CPE: variants seen among roughly 807,000 people sequenced by gnomAD.
The protein encoded by CPE is carboxypeptidase E, also known as carbocypeptidase E.
Under a neutral mutation model 53.5 loss-of-function variants are expected in CPE, and 17 were observed. The ratio of observed to expected loss-of-function variants is 0.32; its 90% CI spans 0.22 to 0.48. The LOEUF (loss-of-function observed/expected upper bound fraction) is 0.48. Among genes scored for constraint, CPE ranks in the 20% least tolerant of loss-of-function variants. The pLI is 0.99. For missense variants in CPE, 524 were observed against 614.7 expected (o/e 0.85, Z 1.56); for synonymous variants, 226 against 228.8 (o/e 0.99, Z 0.11).
chr4:165,493,031 T>C, intron 6 of CPE, 140 bp from the exon 7 acceptor site: 1 of 553,070 alleles, frequency 1.8e-6, no homozygotes, highest in Non-Finnish European at 3.2e-6. Flanking sequence ...TGGCCTTTTG[T>C]GCATGTCTTG....
chr4:165,390,826 C>G (rs1489761989), intron 1 of CPE, among the ~76,000 whole-genome samples: 1 of 152,122 alleles, frequency 6.6e-6, no homozygotes, highest in Admixed American at 6.6e-5. Flanking sequence ...TCATTTTACT[C>G]ATGTGTCTAA....
At chr4:165,480,242 T>C (rs1204705971) in intron 3 of CPE, among the ~76,000 whole-genome samples, 2 of 152,186 alleles carry the variant, frequency 1.3e-5, no homozygotes, top group African/African-American at 4.8e-5. Flanking sequence ...GCTGGTTATA[T>C]TTCTGTACCT....
At chr4:165,403,670 T>A (rs780739864) in intron 1 of CPE, among the ~76,000 whole-genome samples, 7 of 120,278 alleles carry the variant, frequency 5.8e-5, no homozygotes, top group African/African-American at 1.1e-4. Context: ...AATTTCATTC[T>A]TTTTTTTTTT....
At chr4:165,478,653 G>A (rs951935493) in intron 3 of CPE, among the ~76,000 whole-genome samples, 2 of 152,078 alleles carry the variant, frequency 1.3e-5, no homozygotes, top group Non-Finnish European at 2.9e-5. Context: ...ATTTTGATAC[G>A]TACCTTTCAA....
intron 1 of CPE, chr4:165,405,004 G>T (rs1001752612): frequency 4.0e-6 from 3 of 744,152 alleles, no homozygotes; most frequent in Admixed American, 1.8e-5. Flanking sequence ...TAAAACTAAG[G>T]AAGTTGTGAT....
chr4:165,446,868 C>T (rs1008781872), intron 1 of CPE, among the ~76,000 whole-genome samples: 3 of 152,126 alleles, frequency 2.0e-5, no homozygotes, highest in Admixed American at 6.5e-5. Context: ...TATTGATAAA[C>T]AAATTATGCA....
intron 1 of CPE, among the ~76,000 whole-genome samples, chr4:165,443,319 G>A (rs1731646511): frequency 1.3e-5 from 2 of 152,000 alleles, no homozygotes; most frequent in African/African-American, 4.8e-5. Context: ...TAATTCTGTG[G>A]AGCATTTATT....
At chr4:165,484,200 A>G (rs1451421174) in intron 4 of CPE, among the ~76,000 whole-genome samples, 1 of 152,164 alleles carries the variant, frequency 6.6e-6, no homozygotes, top group Admixed American at 6.5e-5. Context: ...AGTAGAATGT[A>G]CATTCTACCC....
At chr4:165,385,854 T>C (rs1190983991) in intron 1 of CPE, among the ~76,000 whole-genome samples, 3 of 152,210 alleles carry the variant, frequency 2.0e-5, no homozygotes, top group African/African-American at 7.2e-5. Flanking sequence ...AAAGAATTTA[T>C]GATGAAACTG....
intron 1 of CPE, among the ~76,000 whole-genome samples, chr4:165,419,684 CAT>C (rs1394239165): frequency 6.6e-6 from 1 of 152,186 alleles, no homozygotes; most frequent in East Asian, 1.9e-4. Flanking sequence ...CATTAGATTA[CAT>C]AAGCCATTGT....
At chr4:165,414,302 C>A (rs1731087640) in intron 1 of CPE, among the ~76,000 whole-genome samples, 1 of 151,962 alleles carries the variant, frequency 6.6e-6, no homozygotes. Context: ...CCAAAGAAAG[C>A]TTTTTTTATG....
At chr4:165,402,906 T>C (rs1199916896) in intron 1 of CPE, among the ~76,000 whole-genome samples, 2 of 152,232 alleles carry the variant, frequency 1.3e-5, no homozygotes, top group East Asian at 3.9e-4. Flanking sequence ...ATGAGAAAAC[T>C]ACCTTTGTTT....
At chr4:165,492,220 G>A (rs1732619658) in intron 6 of CPE, among the ~76,000 whole-genome samples, 1 of 152,090 alleles carries the variant, frequency 6.6e-6, no homozygotes, top group African/African-American at 2.4e-5. Context: ...TCTATTTTCT[G>A]TTATGAGGCT....
chr4:165,474,777 A>G (rs909285661), intron 3 of CPE, among the ~76,000 whole-genome samples: 3 of 152,192 alleles, frequency 2.0e-5, no homozygotes, highest in African/African-American at 7.2e-5. Flanking sequence ...TGTGACTGCA[A>G]CCTTGGGCTG....
intron 1 of CPE, among the ~76,000 whole-genome samples, chr4:165,442,303 C>T (rs1019795603): frequency 6.6e-6 from 1 of 152,214 alleles, no homozygotes; most frequent in Admixed American, 6.5e-5. Flanking sequence ...CTCAGCCTCT[C>T]AAAGTGTTGG....
chr4:165,489,719 C>T (rs1034052551), intron 6 of CPE, among the ~76,000 whole-genome samples: 6 of 152,136 alleles, frequency 3.9e-5, no homozygotes, highest in Non-Finnish European at 7.3e-5. Flanking sequence ...AAATAAAACA[C>T]GTCTTCTTAC....
At chr4:165,455,295 C>T (rs1731881736) in intron 1 of CPE, among the ~76,000 whole-genome samples, 1 of 152,164 alleles carries the variant, frequency 6.6e-6, no homozygotes. Context: ...TTGTGCTTAA[C>T]TTCTTAGACA....
At chr4:165,385,404 C>T (rs936038678) in intron 1 of CPE, among the ~76,000 whole-genome samples, 2 of 141,660 alleles carry the variant, frequency 1.4e-5, no homozygotes, top group Admixed American at 1.4e-4. Flanking sequence ...AGGACTTTTT[C>T]CCTCTTCTTA....
chr4:165,450,032 A>G (rs559462818), intron 1 of CPE, among the ~76,000 whole-genome samples: 2 of 152,330 alleles, frequency 1.3e-5, no homozygotes, highest in South Asian at 4.1e-4. Context: ...TTGAGATAGT[A>G]GATAAAGTTT....
Sources: gnomAD v4.1 joint callset for allele counts (sites outside exome capture counted in the v4.1 genomes callset) on GRCh38, gnomAD v4.1.1 for gene constraint, MANE v1.5 for transcripts, NCBI Gene and HGNC (gene_info 2026-07-23, HGNC 2026-07-21) for gene names.